FANCM: variants seen among roughly 807,000 people sequenced by gnomAD.
FANCM encodes Fanconi anemia group M protein.
Under a neutral mutation model 199.5 loss-of-function variants are expected in FANCM, and 140 were observed. The observed-to-expected ratio is 0.70, with a 90% confidence interval of 0.61 to 0.81. The LOEUF (loss-of-function observed/expected upper bound fraction) is 0.81, where lower values mean the gene tolerates loss of function less well. Among genes scored for constraint, FANCM ranks in the 30% least tolerant of loss-of-function variants. The pLI is 0.00. For synonymous variants in FANCM, 840 were observed against 836.8 expected (o/e 1.00, Z -0.07); for missense variants, 2,410 against 2,421.4 (o/e 1.00, Z 0.10).
intron 14 of FANCM, among the ~76,000 whole-genome samples, chr14:45,177,322 T>C (rs2139255560): frequency 6.6e-6 from 1 of 152,240 alleles, no homozygotes; most frequent in South Asian, 2.1e-4. Context: ...AAATGAATAA[T>C]AAGAGAGTGG....
In FANCM at chr14:45,200,707, G is replaced by C. The variant is rs1033946701; in HGVS notation, c.*699G>C. On this transcript the variant is annotated 3_prime_UTR_variant, in exon 23 of 23. Transcript: ENST00000267430. ...GGGGCGGTTCCCCCATGCTGTTCTA[G>C]TGATAGTTCTCAGAGGATCTGATGG... 2 of 152,196 alleles carry C rather than the reference G, an allele frequency of 1.3e-5. No homozygotes were observed. The highest frequency in any genetic ancestry group is 2.9e-5 in the Non-Finnish European group (2 of 68,050). The allele number at this position is 152,196 out of a possible 1,614,324, so 9.4% of individuals were successfully genotyped here.
rs1251029007 is a variant in FANCM at position 45,136,039 on chromosome 14, G to A, written c.8G>A (p.Gly3Glu). The stretch of plus-strand genomic sequence containing the variant: ...TCGGTGGTTGTCGGCCTAATGAGCG[G>A]ACGGCAAAGAACGCTTTTTCAGACG... MS[G>E]RQRTLFQTWG... Residue 3 changes from glycine (G) to glutamate (E), a missense_variant, in exon 1 of 23, where the codon GGA becomes GAA. Physicochemically the swap from Gly to Glu is moderately conservative, Grantham distance 98 (BLOSUM62 -2). Coordinates refer to ENST00000267430, the MANE Select transcript of FANCM (RefSeq NM_020937.4). 3 of 1,613,364 alleles carry A rather than the reference G, an allele frequency of 1.9e-6. No homozygotes were observed. In the South Asian group the frequency reaches 3.3e-5, roughly 18 times the overall value.
In FANCM at chr14:45,151,560, A is replaced by T. The variant is rs941571734; in HGVS notation, c.1050+32A>T. On this transcript the variant is annotated intron_variant, in intron 5 of 22. Transcript: ENST00000267430. Reference sequence around the variant, plus strand: ...ATTTTTAAATAAATTTTGATGACAGATTAAATTTTCACTGAAAGCCAGGAT... The same window carrying T: ...ATTTTTAAATAAATTTTGATGACAGTTTAAATTTTCACTGAAAGCCAGGAT... 4 of 1,591,228 alleles carry T rather than the reference A, an allele frequency of 2.5e-6. No individual in the cohort carries two copies. In the African/African-American group the frequency reaches 5.4e-5, roughly 21 times the overall value.
rs1886813093 is a variant in FANCM at position 45,151,475 on chromosome 14, C to T, written c.997C>T (p.Gln333Ter). ...RRDIPNLTKY[Q>*]IILARDQFRK... ...GGATATCCCAAATCTAACAAAATATCAGATAATTCTGGCAAGAGATCAGTT... is the reference window on the plus strand; with the variant it reads ...GGATATCCCAAATCTAACAAAATATTAGATAATTCTGGCAAGAGATCAGTT... Residue 333 changes from glutamine to a stop codon, truncating the protein, a stop_gained, in exon 5 of 23, where the codon CAG becomes TAG. Coordinates refer to ENST00000267430, the MANE Select transcript of FANCM (RefSeq NM_020937.4). LOFTEE classifies it high-confidence loss of function. The T allele has an allele frequency of 1.9e-6, 3 of 1,611,046 alleles. No individual in the cohort carries two copies. Among genetic ancestry groups the T allele is most frequent in the Admixed American group, 1.7e-5 (1 of 60,006 alleles).
intron 3 of FANCM, among the ~76,000 whole-genome samples, chr14:45,148,269 CCTCT>C (rs905246599): frequency 3.3e-5 from 5 of 151,408 alleles, no homozygotes; most frequent in African/African-American, 7.3e-5. Flanking sequence ...CTCTCAGGAT[CCTCT>C]CTTTTTTTTT....
At chr14:45,171,968 T>C (rs1373840440) in intron 12 of FANCM, among the ~76,000 whole-genome samples, 1 of 152,130 alleles carries the variant, frequency 6.6e-6, no homozygotes, top group Non-Finnish European at 1.5e-5. Context: ...TAATTTACAC[T>C]CCCACCAGCA....
chr14:45,154,038 T>C lies in FANCM; in HGVS notation c.1169T>C (p.Met390Thr), dbSNP rs1887006955. 1 of 1,559,556 alleles carries C rather than the reference T, an allele frequency of 6.4e-7. No homozygotes were observed. ...TTATATTTCTTCCTTTGTGGAATTA[T>C]GGATGGAACTAAAGGTAAATTATAT... ...RSLYFFLCGI[M>T]DGTKGMTRSK... Residue 390 changes from methionine (M) to threonine (T), a missense_variant, in exon 6 of 23, where the codon ATG (methionine) becomes ACG (threonine). Met to Thr is a moderately conservative substitution (Grantham distance 81). Transcript: ENST00000267430.
At chr14:45,166,730 C>T (rs1229206890) in intron 10 of FANCM, among the ~76,000 whole-genome samples, 2 of 148,438 alleles carry the variant, frequency 1.3e-5, no homozygotes, top group Admixed American at 1.4e-4. Context: ...GAGCCCTGAT[C>T]ACAGCACTGT....
chr14:45,188,017 T>G, intron 19 of FANCM, 130 bp downstream of exon 19: 1 of 660,266 alleles, frequency 1.5e-6, no homozygotes, highest in South Asian at 1.7e-5. Context: ...CTGCCCAAAG[T>G]CAGGAAGCTC....
Position 45,181,448 on chromosome 14 carries a change from G to C in FANCM, c.4241G>C (p.Ser1414Thr), listed in dbSNP as rs1276499007. Residue 1414 changes from serine to threonine, a missense_variant, in exon 15 of 23, where the codon AGT becomes ACT. Transcript: ENST00000267430. ...HSVEDGQLLT[S>T]NESEDDEIFR... ...ATTATAGATGGACAATTATTAACAA[G>C]TAACGAAAGTGAAGATGACGAGATT... The C allele has an allele frequency of 1.3e-6, 2 of 1,586,458 alleles. No homozygotes were observed. Among genetic ancestry groups the C allele is most frequent in the African/African-American group, 1.3e-5 (1 of 74,434 alleles).
At chr14:45,142,571 G>A (rs1414043062) in intron 3 of FANCM, among the ~76,000 whole-genome samples, 1 of 151,984 alleles carries the variant, frequency 6.6e-6, no homozygotes, top group Non-Finnish European at 1.5e-5. Flanking sequence ...CTCCCAAAGT[G>A]CTGGGATTAC....
In FANCM at chr14:45,136,383, A is replaced by G. The variant is rs1227473930; in HGVS notation, c.352A>G (p.Thr118Ala). ...GTGTCTGCCTACCGGACTGGGAAAG[A>G]CCTTTATTGCCGCCGTGGTCATGTA... ...LVCLPTGLGK[T>A]FIAAVVMYNF... The change falls in exon 1 of 23, where the codon ACC becomes GCC. Residue 118 changes from threonine to alanine, a missense_variant. Coordinates refer to ENST00000267430, the MANE Select transcript of FANCM (RefSeq NM_020937.4). 14 of 1,613,946 alleles carry G rather than the reference A, an allele frequency of 8.7e-6. No homozygotes were observed. The highest frequency in any genetic ancestry group is 5.0e-5 in the Admixed American group (3 of 59,998).
At chr14:45,193,386 T>TCCC (rs1219859497) in intron 20 of FANCM, among the ~76,000 whole-genome samples, 10 of 152,202 alleles carry the variant, frequency 6.6e-5, no homozygotes, top group Non-Finnish European at 1.5e-4. Flanking sequence ...CTCCTAGTGC[T>TCCC]CCCTCCCACC....
At chr14:45,149,288 C>A (rs1008237665) in intron 4 of FANCM, among the ~76,000 whole-genome samples, 1 of 124,376 alleles carries the variant, frequency 8.0e-6, no homozygotes, top group East Asian at 2.6e-4. Context: ...AGAACATGCA[C>A]ACACACACAC....
At chr14:45,166,802 G>T in intron 10 of FANCM, 148 bp from the exon 11 acceptor site, 1 of 546,564 alleles carries the variant, frequency 1.8e-6, no homozygotes, top group Non-Finnish European at 3.2e-6. Context: ...AAAAATTCAA[G>T]ACAACAGAAG....
chr14:45,151,541 A>G lies in FANCM; in HGVS notation c.1050+13A>G. 1 of 1,608,416 alleles carries G rather than the reference A, an allele frequency of 6.2e-7. No individual in the cohort carries two copies. Among genetic ancestry groups the G allele is most frequent in the South Asian group, 1.1e-5 (1 of 90,956 alleles). On this transcript the variant is annotated intron_variant, in intron 5 of 22. Coordinates refer to ENST00000267430, the MANE Select transcript of FANCM (RefSeq NM_020937.4). ...TCCGAATATTGTGGTAGGTATTTTTAAATAAATTTTGATGACAGATTAAAT... is the reference window on the plus strand; with the variant it reads ...TCCGAATATTGTGGTAGGTATTTTTGAATAAATTTTGATGACAGATTAAAT...
rs775506568 is a variant in FANCM, at chr14:45,175,170, A to G, written c.2416A>G (p.Ser806Gly). The G allele has an allele frequency of 2.5e-6, 4 of 1,611,176 alleles. No homozygotes were observed. Among genetic ancestry groups the G allele is most frequent in the African/African-American group, 2.7e-5 (2 of 74,866 alleles). The change falls in exon 14 of 23, where the codon AGT becomes GGT. Residue 806 changes from serine (S) to glycine (G), a missense_variant. Physicochemically the swap from Ser to Gly is moderately conservative, Grantham distance 56. Transcript: ENST00000267430. The stretch of plus-strand genomic sequence containing the variant: ...CAGGAATGAATCTAATAATCTTGCC[A>G]GTGACACCTTTATCACTCACAAGAA... ...APRNESNNLA[S>G]DTFITHKKSS...
intron 18 of FANCM, among the ~76,000 whole-genome samples, chr14:45,187,408 A>G (rs1889472084): frequency 6.6e-6 from 1 of 151,802 alleles, no homozygotes; most frequent in African/African-American, 2.4e-5. Flanking sequence ...TTTAGTGCAT[A>G]TTTGCTTTTC....
intron 22 of FANCM, 120 bp from the exon 23 acceptor site, chr14:45,199,750 G>A (rs1890259171): frequency 1.2e-6 from 1 of 839,082 alleles, no homozygotes; most frequent in African/African-American, 1.7e-5. Context: ...TATCAGCTGG[G>A]CGGATAATGC....
Sources: allele counts gnomAD v4.1 joint callset (sites outside exome capture counted in the v4.1 genomes callset), GRCh38; gene constraint gnomAD v4.1.1; transcripts MANE v1.5; gene names NCBI Gene and HGNC (gene_info 2026-07-23, HGNC 2026-07-21).